IQCJ: variants seen among roughly 807,000 people sequenced by gnomAD.
The protein encoded by IQCJ is IQ motif containing J.
A neutral mutation model predicts 11.0 loss-of-function variants in IQCJ; 9 were observed. The ratio of observed to expected loss-of-function variants is 0.82; its 90% CI spans 0.49 to 1.43. The LOEUF is 1.43. Ranked by LOEUF, IQCJ falls within the 40% of genes most tolerant of loss-of-function variation. The pLI is 0.00. For missense variants in IQCJ, 146 were observed against 133.2 expected (o/e 1.10, Z -0.47); for synonymous variants, 55 against 51.3 (o/e 1.07, Z -0.31).
chr3:159,249,902 T>TACACACACATACACAC (rs1727495797), intron 2 of IQCJ, among the ~76,000 whole-genome samples: 1 of 150,518 alleles, frequency 6.6e-6, no homozygotes, highest in Non-Finnish European at 1.5e-5. Flanking sequence ...TGCATTTGTG[T>TACACACACATACACAC]ACACACACAC....
intron 1 of IQCJ, among the ~76,000 whole-genome samples, chr3:159,117,726 C>T (rs1045184260): frequency 6.6e-6 from 1 of 152,052 alleles, no homozygotes; most frequent in East Asian, 1.9e-4. Flanking sequence ...TGATAGGTAC[C>T]CTGCTAGGCC....
intron 1 of IQCJ, among the ~76,000 whole-genome samples, chr3:159,126,630 G>A (rs1302520814): frequency 6.6e-6 from 1 of 152,194 alleles, no homozygotes; most frequent in Non-Finnish European, 1.5e-5. Context: ...AATTGAAAAA[G>A]CTGGGTGTTT....
intron 2 of IQCJ, among the ~76,000 whole-genome samples, chr3:159,250,482 G>T (rs1269005935): frequency 6.6e-6 from 1 of 152,112 alleles, no homozygotes; most frequent in Non-Finnish European, 1.5e-5. Flanking sequence ...CTGCTATGAA[G>T]AAATACCTGA....
At chr3:159,117,052 T>C (rs1719065696) in intron 1 of IQCJ, among the ~76,000 whole-genome samples, 3 of 152,206 alleles carry the variant, frequency 2.0e-5, no homozygotes, top group Admixed American at 2.0e-4. Flanking sequence ...ACATTTTTGT[T>C]ATACTACTCT....
intron 1 of IQCJ, among the ~76,000 whole-genome samples, chr3:159,226,505 A>T (rs575129960): frequency 3.8e-4 from 58 of 152,288 alleles, no homozygotes; most frequent in African/African-American, 1.3e-3. Context: ...GAAGAGACCA[A>T]ATATATATAT....
At chr3:159,219,166 C>T (rs895640348) in intron 1 of IQCJ, among the ~76,000 whole-genome samples, 1 of 152,076 alleles carries the variant, frequency 6.6e-6, no homozygotes, top group Non-Finnish European at 1.5e-5. Context: ...CTCTAGGGAC[C>T]ATTACTCTGT....
rs569503430 is a variant in IQCJ, at chr3:159,120,046, A to T, written c.9+50605A>T. On this transcript the variant is annotated intron_variant, in intron 1 of 3. Transcript: ENST00000397832. ...TTCAATATATTTACTTGTTATATAC[A>T]TGTAGTACTTTATTAATATGTGCAT... 1.3e-4 allele frequency among the ~76,000 whole-genome samples: 20 copies of T among 152,376 alleles called. 2 individuals are homozygous for T. The East Asian group carries it at 3.9e-3, about 29-fold the overall frequency.
At chr3:159,073,844 C>G (rs1576984646) in intron 1 of IQCJ, among the ~76,000 whole-genome samples, 1 of 152,198 alleles carries the variant, frequency 6.6e-6, no homozygotes, top group East Asian at 1.9e-4. Flanking sequence ...CGACTGAGGG[C>G]TGAAGCAATT....
intron 1 of IQCJ, among the ~76,000 whole-genome samples, chr3:159,188,629 T>G (rs1443371564): frequency 1.3e-5 from 2 of 152,176 alleles, no homozygotes; most frequent in African/African-American, 4.8e-5. Context: ...AAGTACGGCC[T>G]GTACTCTAAG....
intron 1 of IQCJ, among the ~76,000 whole-genome samples, chr3:159,073,140 T>TCTCA (rs1219987629): frequency 4.6e-5 from 7 of 151,680 alleles, no homozygotes; most frequent in Admixed American, 4.6e-4. Flanking sequence ...ATTAAAGGAG[T>TCTCA]CTCACAGTGG....
chr3:159,071,605 G>A (rs1715566550), intron 1 of IQCJ, among the ~76,000 whole-genome samples: 1 of 151,952 alleles, frequency 6.6e-6, no homozygotes, highest in African/African-American at 2.4e-5. Context: ...CAATTATTTT[G>A]TTTGAGGTTT....
At chr3:159,173,490 A>G (rs960359759) in intron 1 of IQCJ, among the ~76,000 whole-genome samples, 3 of 152,234 alleles carry the variant, frequency 2.0e-5, no homozygotes, top group Non-Finnish European at 4.4e-5. Flanking sequence ...CCTACATCGC[A>G]GGATAGTTTT....
At chr3:159,132,018 T>C (rs1577029280) in intron 1 of IQCJ, among the ~76,000 whole-genome samples, 1 of 152,164 alleles carries the variant, frequency 6.6e-6, no homozygotes, top group Non-Finnish European at 1.5e-5. Flanking sequence ...GCCATGAATT[T>C]GCCTCTGTCA....
At chr3:159,157,523 C>T (rs1331880014) in intron 1 of IQCJ, among the ~76,000 whole-genome samples, 5 of 152,102 alleles carry the variant, frequency 3.3e-5, no homozygotes, top group Admixed American at 3.3e-4. Context: ...TTGTAGCCTA[C>T]AATTAGGTCT....
At chr3:159,148,059 T>C (rs959251039) in intron 1 of IQCJ, among the ~76,000 whole-genome samples, 1 of 152,254 alleles carries the variant, frequency 6.6e-6, no homozygotes, top group African/African-American at 2.4e-5. Flanking sequence ...CCCAATAAGC[T>C]ACACATTTTA....
At chr3:159,182,620 C>T (rs1374734683) in intron 1 of IQCJ, among the ~76,000 whole-genome samples, 2 of 151,930 alleles carry the variant, frequency 1.3e-5, no homozygotes, top group East Asian at 3.9e-4. Context: ...GTGAGAGGGT[C>T]GTGATCGATT....
At chr3:159,171,033 G>A (rs772943063) in intron 1 of IQCJ, among the ~76,000 whole-genome samples, 13 of 151,358 alleles carry the variant, frequency 8.6e-5, no homozygotes, top group South Asian at 2.1e-4. Flanking sequence ...TTTAGTAATC[G>A]GCCAATTCTT....
chr3:159,088,975 G>T (rs1327072815), intron 1 of IQCJ, among the ~76,000 whole-genome samples: 1 of 151,326 alleles, frequency 6.6e-6, no homozygotes, highest in Admixed American at 6.6e-5. Flanking sequence ...ATGTTAGCTG[G>T]TTATTTTGCT....
chr3:159,095,554 C>A (rs1424016780), intron 1 of IQCJ, among the ~76,000 whole-genome samples: 1 of 115,046 alleles, frequency 8.7e-6, no homozygotes, highest in African/African-American at 3.5e-5. Flanking sequence ...GTGATATTCC[C>A]CTTCCTGTGT....
Sources: allele counts gnomAD v4.1 joint callset (sites outside exome capture counted in the v4.1 genomes callset), GRCh38; gene constraint gnomAD v4.1.1; transcripts MANE v1.5; gene names NCBI Gene and HGNC (gene_info 2026-07-23, HGNC 2026-07-21).